POLN: variants seen among roughly 807,000 people sequenced by gnomAD.
POLN encodes the protein DNA polymerase N.
POLN carries 108 observed loss-of-function variants against 113.5 expected under a neutral mutation model. The observed-to-expected ratio is 0.95, with a 90% confidence interval of 0.81 to 1.12. The LOEUF (loss-of-function observed/expected upper bound fraction) is 1.12, where lower values mean the gene tolerates loss of function less well. POLN is among the 50% of genes most tolerant of loss of function. The pLI is 0.00. For synonymous variants in POLN, 386 were observed against 391.5 expected, an observed-to-expected ratio of 0.99 and a Z score of 0.17; for missense variants, 1,097 against 1,077.1, an observed-to-expected ratio of 1.02 and a Z score of -0.26.
At chr4:2,225,522 C>T (rs1173604808) in intron 3 of POLN, among the ~76,000 whole-genome samples, 3 of 151,242 alleles carry the variant, frequency 2.0e-5, no homozygotes, top group African/African-American at 7.3e-5. Context: ...CCACTGTACT[C>T]CAGCTTGGGT....
chr4:2,208,110 A>C lies in POLN; in HGVS notation c.591T>G (p.Phe197Leu). The change falls in exon 5 of 26, where the codon TTT (phenylalanine) becomes TTG (leucine). Residue 197 changes from phenylalanine to leucine, a missense_variant. By Grantham distance (22) the Phe-to-Leu change is conservative (BLOSUM62 0). Coordinates refer to ENST00000511885, the MANE Select transcript of POLN (RefSeq NM_181808.4). ...SGNSGALKKH[F>L]CDIRHLDDWA... ...AATCATCCAAATGCCTAATATCACA[A>C]AAATGTTTTTTCAATGCTCCTGAGT... 1 of 1,614,186 alleles carries C rather than the reference A, an allele frequency of 6.2e-7. No homozygotes were observed. Among genetic ancestry groups the C allele is most frequent in the South Asian group, 1.1e-5 (1 of 91,086 alleles).
intron 25 of POLN, 77 bp from the exon 26 acceptor site, chr4:2,072,376 G>T (rs34676363): frequency 1.6e-6 from 2 of 1,288,028 alleles, no homozygotes; most frequent in South Asian, 1.5e-5. Context: ...CAAGCAGGGG[G>T]ACAGGGCCTA....
At chr4:2,206,945 A>C (rs1733859863) in intron 5 of POLN, among the ~76,000 whole-genome samples, 1 of 152,246 alleles carries the variant, frequency 6.6e-6, no homozygotes, top group African/African-American at 2.4e-5. Flanking sequence ...GGATACTTGC[A>C]CGTGCATGGT....
intron 7 of POLN, among the ~76,000 whole-genome samples, chr4:2,183,556 T>C (rs1412719741): frequency 6.6e-6 from 1 of 152,160 alleles, no homozygotes; most frequent in East Asian, 1.9e-4. Flanking sequence ...TGAAATAAGC[T>C]AGTGACAAAA....
At position 2,072,227 on chromosome 4, in the gene POLN, G is replaced by C. The variant is rs998543125; in HGVS notation, c.2590C>G (p.Pro864Ala). 1.2e-6 allele frequency: 2 copies of C among 1,603,086 alleles called. No homozygotes were observed. The highest frequency in any genetic ancestry group is 1.7e-5 in the Admixed American group (1 of 58,458). The stretch of plus-strand genomic sequence containing the variant: ...TCAGTGCGACATGGGCCTGGCGGAG[G>C]GCCCCAGGCCTCCTGCAGTGGCACC... ...HLVPLQEAWG[P>A]PPGPCRTESP... Residue 864 changes from proline (P) to alanine (A), a missense_variant, in exon 26 of 26, where the codon CCT becomes GCT. Transcript: ENST00000511885.
intron 5 of POLN, among the ~76,000 whole-genome samples, chr4:2,202,653 G>A (rs1384762011): frequency 6.7e-6 from 1 of 149,788 alleles, no homozygotes; most frequent in Non-Finnish European, 1.5e-5. Flanking sequence ...GAACCTGGGA[G>A]GCAGAGGTTG....
chr4:2,179,278 G>A (rs200622171), intron 8 of POLN, 30 bp downstream of exon 8: 32 of 1,586,472 alleles, frequency 2.0e-5, no homozygotes, highest in Non-Finnish European at 2.7e-5. Context: ...ATGTATTAAG[G>A]TTGATAAAAC....
Position 2,173,883 on chromosome 4 carries a change from C to T in POLN, c.1374+72G>A. The T allele has an allele frequency of 2.9e-6, 4 of 1,400,068 alleles. No homozygotes were observed. In the South Asian group the frequency reaches 4.6e-5, roughly 16 times the overall value. The allele number at this position is 1,400,068 out of a possible 1,614,324, so 86.7% of individuals were successfully genotyped here. A position where few individuals can be genotyped will look rare whatever the true frequency, so the allele number is the denominator to read the frequency against. On this transcript the variant is annotated intron_variant, in intron 11 of 25. Transcript: ENST00000511885. ...GAAGAAAAGGAGAATCTACTCTAGA[C>T]CTGCCACTGGGAACAACTATCTCAT...
intron 19 of POLN, among the ~76,000 whole-genome samples, chr4:2,118,946 T>C (rs1731379184): frequency 6.6e-6 from 1 of 152,200 alleles, no homozygotes; most frequent in South Asian, 2.1e-4. Context: ...AAAGTCTTGC[T>C]TAGGAGTGAC....
chr4:2,104,008 A>G (rs1207759822), intron 19 of POLN, among the ~76,000 whole-genome samples: 2 of 152,246 alleles, frequency 1.3e-5, no homozygotes, highest in African/African-American at 4.8e-5. Context: ...GACATTCACC[A>G]TCATGGAAAC....
At chr4:2,087,524 G>C (rs961424912) in intron 20 of POLN, among the ~76,000 whole-genome samples, 1 of 151,952 alleles carries the variant, frequency 6.6e-6, no homozygotes, top group Non-Finnish European at 1.5e-5. Flanking sequence ...TTTTTATTTT[G>C]GATATATAGT....
At chr4:2,204,789 C>T (rs1371307637) in intron 5 of POLN, among the ~76,000 whole-genome samples, 5 of 152,228 alleles carry the variant, frequency 3.3e-5, no homozygotes, top group South Asian at 2.1e-4. Flanking sequence ...GTCTAACATA[C>T]GCAAGTCAAT....
At chr4:2,122,996 G>GA (rs1045768613) in intron 19 of POLN, among the ~76,000 whole-genome samples, 52 of 145,398 alleles carry the variant, frequency 3.6e-4, no homozygotes, top group East Asian at 1.8e-3. Flanking sequence ...CTACCAAAAA[G>GA]AAAAAAAAAA....
At chr4:2,123,804 C>CA (rs1455000205) in intron 19 of POLN, among the ~76,000 whole-genome samples, 86 of 149,018 alleles carry the variant, frequency 5.8e-4, no homozygotes, top group East Asian at 2.8e-3. Context: ...AACCTTGTCT[C>CA]AAAAAAAAAC....
Position 2,126,194 on chromosome 4 carries a change from C to T in POLN, c.1982+1919G>A, listed in dbSNP as rs1365047222. Among the ~76,000 whole-genome samples, 1 of 152,216 alleles carries T rather than the reference C, an allele frequency of 6.6e-6. No homozygotes were observed. The highest frequency in any genetic ancestry group is 1.5e-5 in the Non-Finnish European group (1 of 68,052). ...TGTGCTGGGCAAACACTTCATTATT[C>T]TTTGCTTTTGTCACTTTCCCTGCTG... On this transcript the variant is annotated intron_variant, in intron 19 of 25. Coordinates refer to ENST00000511885, the MANE Select transcript of POLN (RefSeq NM_181808.4). This position sits in a 1 kb window ranked among gnomAD's most constrained non-coding sequence, Gnocchi z 4.6.
At chr4:2,111,564 G>A (rs1052881777) in intron 19 of POLN, among the ~76,000 whole-genome samples, 4 of 152,226 alleles carry the variant, frequency 2.6e-5, no homozygotes, top group Non-Finnish European at 5.9e-5. Flanking sequence ...AAATCAATGT[G>A]CAAAAATTAC....
chr4:2,226,022 T>C (rs191419860), intron 3 of POLN, among the ~76,000 whole-genome samples: 1 of 152,180 alleles, frequency 6.6e-6, no homozygotes, highest in African/African-American at 2.4e-5. Flanking sequence ...CTCTCTCCCA[T>C]GTTCTGAGGT....
chr4:2,159,262 T>G, intron 13 of POLN, 51 bp from the exon 14 acceptor site: 1 of 1,416,072 alleles, frequency 7.1e-7, no homozygotes, highest in African/African-American at 1.4e-5. Flanking sequence ...TTTAACATTT[T>G]AAACACGTAT....
At chr4:2,135,199 G>A (rs1172127786) in intron 16 of POLN, among the ~76,000 whole-genome samples, 1 of 152,192 alleles carries the variant, frequency 6.6e-6, no homozygotes, top group Non-Finnish European at 1.5e-5. Context: ...GAAGAAGAGA[G>A]TACTTCAGGC....
Sources: allele counts gnomAD v4.1 joint callset (sites outside exome capture counted in the v4.1 genomes callset), GRCh38; gene constraint gnomAD v4.1.1; non-coding constraint Gnocchi (gnomAD v3.1); transcripts MANE v1.5; gene names NCBI Gene and HGNC (gene_info 2026-07-23, HGNC 2026-07-21).